SNTG2: variants seen among roughly 807,000 people sequenced by gnomAD.
SNTG2 encodes syntrophin gamma 2, also known as gamma-2-syntrophin.
A neutral mutation model predicts 70.9 loss-of-function variants in SNTG2; 74 were observed. That is an observed-to-expected ratio of 1.04 (90% confidence interval 0.86 to 1.27). SNTG2 has a LOEUF of 1.27. Among genes scored for constraint, SNTG2 ranks in the 50% most tolerant of loss-of-function variants. The probability of loss-of-function intolerance (pLI) is 0.00; values close to 1 mark genes in which losing one functional copy is unlikely to be tolerated. For missense variants in SNTG2, 717 were observed against 690.7 expected (o/e 1.04, Z -0.43); for synonymous variants, 278 against 273.8 (o/e 1.02, Z -0.15).
At chr2:1,137,428 A>G (rs1668463248) in intron 4 of SNTG2, among the ~76,000 whole-genome samples, 194 bp from the exon 5 acceptor site, 1 of 151,290 alleles carries the variant, frequency 6.6e-6, no homozygotes, top group Non-Finnish European at 1.5e-5. Context: ...ACACCCACAC[A>G]TGCACACACA....
intron 7 of SNTG2, among the ~76,000 whole-genome samples, chr2:1,168,214 C>G (rs935316562): frequency 7.8e-6 from 1 of 128,920 alleles, no homozygotes; most frequent in Non-Finnish European, 1.7e-5. Context: ...GAACTGAAGC[C>G]TACAGGCCGC....
chr2:1,207,414 G>A (rs1673702798), intron 8 of SNTG2, among the ~76,000 whole-genome samples: 2 of 6,176 alleles, frequency 3.2e-4, no homozygotes, highest in South Asian at 0.12. Flanking sequence ...CTCTGGCTAT[G>A]TGAGTTTTTT....
At chr2:1,164,027 C>T (rs533089555) in intron 6 of SNTG2, among the ~76,000 whole-genome samples, 66 of 152,254 alleles carry the variant, frequency 4.3e-4, no homozygotes, top group African/African-American at 1.5e-3. Context: ...TAGGCAATGA[C>T]GGGCATGGAA....
intron 14 of SNTG2, among the ~76,000 whole-genome samples, chr2:1,308,219 G>T (rs1680799805): frequency 6.6e-6 from 1 of 152,142 alleles, no homozygotes; most frequent in East Asian, 1.9e-4. Context: ...GCTGGGCTCT[G>T]TGCATTTGTT....
intron 1 of SNTG2, among the ~76,000 whole-genome samples, chr2:1,079,119 A>G: frequency 6.6e-6 from 1 of 152,206 alleles, no homozygotes; most frequent in Non-Finnish European, 1.5e-5. Flanking sequence ...GCAGTGGGAA[A>G]TGTGGGCCTT....
intron 16 of SNTG2, among the ~76,000 whole-genome samples, chr2:1,352,091 C>T (rs908870050): frequency 2.6e-5 from 4 of 152,212 alleles, no homozygotes; most frequent in African/African-American, 4.8e-5. Context: ...GGGTGACCAT[C>T]GCTTTCTAAC....
chr2:961,682 C>T (rs1660356003), intron 1 of SNTG2, among the ~76,000 whole-genome samples: 1 of 152,070 alleles, frequency 6.6e-6, no homozygotes, highest in Non-Finnish European at 1.5e-5. Context: ...TTCAGTTTTT[C>T]CGCTATTCTG....
At chr2:1,238,848 C>T (rs555852737) in intron 10 of SNTG2, among the ~76,000 whole-genome samples, 13 of 152,346 alleles carry the variant, frequency 8.5e-5, no homozygotes, top group Middle Eastern at 3.4e-3. Context: ...GCCCACCCTG[C>T]GGCCCTGCAG....
intron 2 of SNTG2, among the ~76,000 whole-genome samples, chr2:1,092,270 A>G (rs1263424934): frequency 6.6e-6 from 1 of 151,032 alleles, no homozygotes. Context: ...AAAAACCCTT[A>G]TTTTCTAGGT....
intron 1 of SNTG2, among the ~76,000 whole-genome samples, chr2:964,049 C>T (rs1263374545): frequency 1.3e-5 from 2 of 152,142 alleles, no homozygotes; most frequent in Non-Finnish European, 2.9e-5. Flanking sequence ...GTGCTGCTCT[C>T]CCTGTTGGCG....
chr2:1,058,881 C>T (rs1662633123), intron 1 of SNTG2, among the ~76,000 whole-genome samples: 2 of 152,180 alleles, frequency 1.3e-5, no homozygotes, highest in Non-Finnish European at 1.5e-5. Flanking sequence ...TGAAGGCTCT[C>T]ATTGCTGTCA....
chr2:1,274,674 C>T lies in SNTG2; in HGVS notation c.1284+7103C>T, dbSNP rs145545431. ...CCCTGGATTTTGTTCTAAGAACTCA[C>T]CATTCTGCCCTCGATCAGGACGTTT... On this transcript the variant is annotated intron_variant, in intron 14 of 16. Transcript: ENST00000308624. Among the ~76,000 whole-genome samples the T allele has an allele frequency of 9.2e-5, 14 of 152,248 alleles. No homozygotes were observed. In the East Asian group the frequency reaches 2.7e-3, roughly 30 times the overall value.
intron 1 of SNTG2, among the ~76,000 whole-genome samples, chr2:1,069,123 C>T (rs771195317): frequency 6.6e-6 from 1 of 152,068 alleles, no homozygotes; most frequent in East Asian, 1.9e-4. Flanking sequence ...TTTATTATCT[C>T]GAGTCATAAA....
chr2:1,022,360 C>T (rs1401497914), intron 1 of SNTG2, among the ~76,000 whole-genome samples: 3 of 151,886 alleles, frequency 2.0e-5, no homozygotes, highest in African/African-American at 7.3e-5. Flanking sequence ...TGTGCGTTCC[C>T]GTGAATCCCT....
intron 8 of SNTG2, among the ~76,000 whole-genome samples, chr2:1,178,912 A>G (rs1030520802): frequency 9.2e-5 from 14 of 152,216 alleles, no homozygotes; most frequent in East Asian, 5.8e-4. Flanking sequence ...GGTAGAATTC[A>G]GCTTTGAATC....
At chr2:973,732 T>A (rs1660821712) in intron 1 of SNTG2, among the ~76,000 whole-genome samples, 1 of 152,178 alleles carries the variant, frequency 6.6e-6, no homozygotes, top group Non-Finnish European at 1.5e-5. Flanking sequence ...TTGTTGTGTT[T>A]CAGTTTTTAT....
intron 6 of SNTG2, among the ~76,000 whole-genome samples, chr2:1,164,376 G>T (rs1356936435): frequency 4.1e-5 from 5 of 122,178 alleles, no homozygotes; most frequent in Admixed American, 4.0e-4. Flanking sequence ...CAGTCTCTGT[G>T]TAGAGGAGAG....
At chr2:1,254,334 C>T (rs939596720) in intron 12 of SNTG2, among the ~76,000 whole-genome samples, 4 of 152,290 alleles carry the variant, frequency 2.6e-5, no homozygotes, top group Middle Eastern at 3.4e-3. Context: ...ACCCTACTCT[C>T]CCTCGTTAGC....
At chr2:1,364,905 G>A (rs550535429) in intron 16 of SNTG2, among the ~76,000 whole-genome samples, 182 of 151,866 alleles carry the variant, frequency 1.2e-3, no homozygotes, top group Middle Eastern at 3.4e-3. Flanking sequence ...GTGAGATTCC[G>A]TCTCAAAAAA....
Sources: allele counts gnomAD v4.1 joint callset (sites outside exome capture counted in the v4.1 genomes callset), GRCh38; gene constraint gnomAD v4.1.1; transcripts MANE v1.5; gene names NCBI Gene and HGNC (gene_info 2026-07-23, HGNC 2026-07-21).